The following FRG1 variants were observed in gnomAD, a reference collection of about 807,000 sequenced individuals.
FRG1 encodes the protein FSHD region gene 1.
FRG1 carries 19 observed loss-of-function variants against 37.0 expected under a neutral mutation model. That is an observed-to-expected ratio of 0.51 (90% CI 0.36 to 0.75). FRG1 has a LOEUF of 0.75. FRG1 is among the 30% of genes least tolerant of loss of function. The pLI is 0.00. For missense variants in FRG1, 243 were observed against 301.4 expected (o/e 0.81, Z 1.44); for synonymous variants, 73 against 96.5 (o/e 0.76, Z 1.43).
At chr4:189,957,636 T>C (rs1737042330) in intron 6 of FRG1, 134 bp downstream of exon 6, 1 of 767,828 alleles carries the variant, frequency 1.3e-6, no homozygotes, top group Non-Finnish European at 2.2e-6. Flanking sequence ...GTGTTTCAAA[T>C]AGACTCATTT....
At chr4:189,944,708 A>G (rs1295270881) in intron 2 of FRG1, among the ~76,000 whole-genome samples, 1 of 152,052 alleles carries the variant, frequency 6.6e-6, no homozygotes, top group Admixed American at 6.5e-5. Context: ...TAAAAAATCA[A>G]TTAACTTTCT....
chr4:189,951,300 C>T lies in FRG1; in HGVS notation c.134-862C>T, dbSNP rs556958619. ...GTCGGGAGTTTGAGACCAGCCTGGC[C>T]AATGTGGTGAAACCCCGTGTCTACT... On this transcript the variant is annotated intron_variant, in intron 2 of 8. Transcript: ENST00000226798. Among the ~76,000 whole-genome samples, 7 of 151,964 alleles carry T rather than the reference C, an allele frequency of 4.6e-5. No homozygotes were observed. In the East Asian group the frequency reaches 9.7e-4, roughly 21 times the overall value.
At position 189,955,044 on chromosome 4, in the gene FRG1, C is replaced by CT; in HGVS notation, c.326dup (p.Lys110GlufsTer45). ...TATGTTATTAATGTACAGAATCGCCCTGAAGTCTGGCTATGGAAAATATCT... is the reference window on the plus strand; with the variant it reads ...TATGTTATTAATGTACAGAATCGCCCTTGAAGTCTGGCTATGGAAAATATCT... On this transcript the variant is annotated frameshift_variant, in exon 5 of 9. Transcript: ENST00000226798. LOFTEE classifies it high-confidence loss of function. 1 of 1,607,126 alleles carries CT rather than the reference C, an allele frequency of 6.2e-7. No individual in the cohort carries two copies.
Position 189,961,918 on chromosome 4 carries a change from G to T in FRG1, c.726G>T (p.Glu242Asp), listed in dbSNP as rs201652217. ...KKARKDGFLH[E>D]TLLDRRAKLK... ...CTCGGAAAGATGGATTTTTGCATGAGACGCTTCTGGACAGGTAGCTATTTA... is the reference window on the plus strand; with the variant it reads ...CTCGGAAAGATGGATTTTTGCATGATACGCTTCTGGACAGGTAGCTATTTA... The change falls in exon 8 of 9, where the codon GAG (glutamate) becomes GAT (aspartate). Residue 242 changes from glutamate (E) to aspartate (D), a missense_variant. This residue lies in a region of FRG1 where 133 missense variants were observed against 199.3 expected (regional missense o/e 0.67). Transcript: ENST00000226798. 1 of 1,536,814 alleles carries T rather than the reference G, an allele frequency of 6.5e-7. No homozygotes were observed. The highest frequency in any genetic ancestry group is 1.2e-5 in the South Asian group (1 of 82,280).
chr4:189,952,272 G>A lies in FRG1; in HGVS notation c.244G>A (p.Ala82Thr). 3 of 1,610,896 alleles carry A rather than the reference G, an allele frequency of 1.9e-6. No individual in the cohort carries two copies. The highest frequency in any genetic ancestry group is 2.5e-6 in the Non-Finnish European group (3 of 1,179,214). ...CGACAATGGTCTTTTTACCCTGGGA[G>A]CTCCACACAAAGAAGGTTTGTGTCT... is the stretch of plus-strand genomic sequence containing the variant. ...ALDNGLFTLG[A>T]PHKEVDEGPS... Residue 82 changes from alanine (A) to threonine (T), a missense_variant, in exon 3 of 9, where the codon GCT (alanine) becomes ACT (threonine). Physicochemically the swap from Ala to Thr is moderately conservative, Grantham distance 58. Coordinates refer to ENST00000226798, the MANE Select transcript of FRG1 (RefSeq NM_004477.3).
chr4:189,953,436 T>G (rs997257371), intron 4 of FRG1, among the ~76,000 whole-genome samples: 16 of 152,166 alleles, frequency 1.1e-4, no homozygotes, highest in African/African-American at 3.9e-4. Context: ...ACTCACTGTT[T>G]GGAAGTCCAA....
chr4:189,952,985 T>C (rs1449322230), intron 3 of FRG1, 83 bp from the exon 4 acceptor site: 1 of 1,486,838 alleles, frequency 6.7e-7, no homozygotes, highest in African/African-American at 1.4e-5. Flanking sequence ...CAGAAGAAAA[T>C]AGCCACATTT....
Position 189,960,849 on chromosome 4 carries a change from C to T in FRG1, c.629+10C>T, listed in dbSNP as rs368840461. On this transcript the variant is annotated intron_variant, in intron 7 of 8. Coordinates refer to ENST00000226798, the MANE Select transcript of FRG1 (RefSeq NM_004477.3). Reference sequence around the variant, plus strand: ...GTGAAATCAATTATGTGTATGTATTCTTTTCCTTTTAGACCTACAGATTTG... The same window carrying T: ...GTGAAATCAATTATGTGTATGTATTTTTTTCCTTTTAGACCTACAGATTTG... 5.0e-6 allele frequency: 8 copies of T among 1,603,676 alleles called. No homozygotes were observed. The highest frequency in any genetic ancestry group is 1.7e-5 in the Admixed American group (1 of 58,010).
chr4:189,951,551 A>G lies in FRG1; in HGVS notation c.134-611A>G, dbSNP rs181336794. 5.3e-3 allele frequency among the ~76,000 whole-genome samples: 802 copies of G among 152,192 alleles called. 4 individuals are homozygous for G. Among genetic ancestry groups the G allele is most frequent in the Non-Finnish European group, 8.5e-3 (576 of 67,988 alleles). On this transcript the variant is annotated intron_variant, in intron 2 of 8. Transcript: ENST00000226798. ...CTTCCTGTAGAGGCATTTTTAAGAAACATTATGATAGGCATTGGCTCTGGA... is the reference window on the plus strand; with the variant it reads ...CTTCCTGTAGAGGCATTTTTAAGAAGCATTATGATAGGCATTGGCTCTGGA...
intron 2 of FRG1, among the ~76,000 whole-genome samples, chr4:189,944,727 G>C (rs1170004932): frequency 6.6e-6 from 1 of 151,826 alleles, no homozygotes; most frequent in Admixed American, 6.6e-5. Flanking sequence ...CTATGTATTG[G>C]TCTGTTTCTG....
chr4:189,948,797 C>T (rs75252104), intron 2 of FRG1, among the ~76,000 whole-genome samples: 4 of 151,626 alleles, frequency 2.6e-5, no homozygotes, highest in African/African-American at 4.8e-5. Context: ...CTCAAGCAAT[C>T]CTCTCACCTC....
At chr4:189,944,208 ACT>A (rs1241325483) in intron 2 of FRG1, among the ~76,000 whole-genome samples, 16 of 151,636 alleles carry the variant, frequency 1.1e-4, no homozygotes, top group Admixed American at 3.3e-4. Flanking sequence ...ACAAATTCTC[ACT>A]CTGTCTCCCA....
In FRG1 at chr4:189,943,184, A is replaced by G. The variant is rs552116268; in HGVS notation, c.63-18A>G. On this transcript the variant is annotated intron_variant, in intron 1 of 8. Coordinates refer to ENST00000226798, the MANE Select transcript of FRG1 (RefSeq NM_004477.3). Reference sequence around the variant, plus strand: ...AATCAATATACCTAAACTCGTCTATATAAATTATGTCCTGTAGTAAGAAGA... The same window carrying G: ...AATCAATATACCTAAACTCGTCTATGTAAATTATGTCCTGTAGTAAGAAGA... 2.8e-5 allele frequency: 44 copies of G among 1,561,108 alleles called. 1 individual carries two copies. The South Asian group carries it at 4.0e-4, about 14-fold the overall frequency.
chr4:189,955,187 A>G, intron 5 of FRG1, 36 bp downstream of exon 5: 2 of 1,295,162 alleles, frequency 1.5e-6, no homozygotes, highest in Non-Finnish European at 2.2e-6. Flanking sequence ...ACTTCCTGTC[A>G]GTTTAACAGA....
intron 2 of FRG1, among the ~76,000 whole-genome samples, chr4:189,945,372 A>G (rs1018360436): frequency 1.3e-5 from 2 of 152,226 alleles, no homozygotes; most frequent in African/African-American, 4.8e-5. Flanking sequence ...ACCATATGGT[A>G]TGACGTCTGT....
At chr4:189,959,938 C>T in intron 6 of FRG1, 6 of 932,632 alleles carry the variant, frequency 6.4e-6, no homozygotes, top group Non-Finnish European at 7.7e-6. Context: ...CTTGTGTTAC[C>T]TCTGTCAGCC....
At chr4:189,956,866 A>T (rs1195714871) in intron 5 of FRG1, among the ~76,000 whole-genome samples, 2 of 152,344 alleles carry the variant, frequency 1.3e-5, no homozygotes. Flanking sequence ...AATAGAAAGC[A>T]GTGTAATATA....
intron 2 of FRG1, among the ~76,000 whole-genome samples, chr4:189,948,781 C>T (rs79392647): frequency 6.6e-6 from 1 of 152,302 alleles, no homozygotes; most frequent in Non-Finnish European, 1.5e-5. Context: ...CCCTCGACCT[C>T]GTAGGCTCAA....
At chr4:189,954,402 AG>A (rs1554018447) in intron 4 of FRG1, among the ~76,000 whole-genome samples, 1 of 72,624 alleles carries the variant, frequency 1.4e-5, no homozygotes, top group Non-Finnish European at 3.1e-5. Flanking sequence ...TTATAATAAG[AG>A]AAAAAGTAAG....
Sources: gnomAD v4.1 joint callset for allele counts (sites outside exome capture counted in the v4.1 genomes callset) on GRCh38, gnomAD v4.1.1 for gene constraint, gnomAD v4.1.1 regional missense constraint, MANE v1.5 for transcripts, NCBI Gene and HGNC (gene_info 2026-07-23, HGNC 2026-07-21) for gene names.